TUSC3: variants seen among roughly 807,000 people sequenced by gnomAD.
TUSC3 encodes the protein dolichyl-diphosphooligosaccharide--protein glycosyltransferase subunit TUSC3.
TUSC3 carries 45 observed loss-of-function variants against 44.8 expected under a neutral mutation model. The observed-to-expected ratio is 1.00, with a 90% CI of 0.79 to 1.29. The LOEUF is 1.29. TUSC3 is among the 50% of genes most tolerant of loss of function. TUSC3 has a pLI of 0.00. For missense variants in TUSC3, 519 were observed against 437.9 expected, an observed-to-expected ratio of 1.19 and a Z score of -1.65; for synonymous variants, 212 against 152.9, an observed-to-expected ratio of 1.39 and a Z score of -2.85.
chr8:15,487,509 G>A (rs546162679), intron 2 of TUSC3, among the ~76,000 whole-genome samples: 8 of 152,124 alleles, frequency 5.3e-5, no homozygotes, highest in African/African-American at 7.2e-5. Context: ...TTATCCATTT[G>A]TATTATTATA....
chr8:15,459,901 T>TACAC (rs1563256852), intron 1 of TUSC3, among the ~76,000 whole-genome samples: 1 of 151,102 alleles, frequency 6.6e-6, no homozygotes, highest in African/African-American at 2.5e-5. Context: ...CATACATACA[T>TACAC]ACACACATAC....
the TUSC3 span, among the ~76,000 whole-genome samples, chr8:15,829,335 T>C: frequency 6.6e-6 from 1 of 152,232 alleles, no homozygotes; most frequent in East Asian, 1.9e-4. Context: ...TGTATACTTT[T>C]AGTTTTGAAA....
intron 2 of TUSC3, among the ~76,000 whole-genome samples, chr8:15,485,537 G>C (rs928199548): frequency 1.4e-5 from 2 of 142,530 alleles, no homozygotes; most frequent in African/African-American, 2.7e-5. Flanking sequence ...TGCATTCTCT[G>C]CTCCTCCTCA....
chr8:15,457,828 T>TC (rs541882577), intron 1 of TUSC3, among the ~76,000 whole-genome samples: 7,671 of 146,462 alleles, frequency 0.052, 263 homozygotes, highest in South Asian at 0.11. Flanking sequence ...TAATTAATTA[T>TC]TAATAAATTA....
intron 1 of TUSC3, among the ~76,000 whole-genome samples, chr8:15,543,140 T>C (rs1236756583): frequency 4.6e-5 from 7 of 152,228 alleles, no homozygotes; most frequent in Non-Finnish European, 2.9e-5. Context: ...ATGTGGTCTC[T>C]TTCTGTCTAG....
chr8:15,740,589 C>G (rs923416461), intron 7 of TUSC3, among the ~76,000 whole-genome samples: 1 of 151,594 alleles, frequency 6.6e-6, no homozygotes, highest in African/African-American at 2.4e-5. Flanking sequence ...AAAAGATGCT[C>G]AGAACCAAGT....
intron 1 of TUSC3, among the ~76,000 whole-genome samples, chr8:15,570,961 T>TTTG (rs962476050): frequency 8.6e-5 from 10 of 115,902 alleles, no homozygotes; most frequent in African/African-American, 2.5e-4. Flanking sequence ...TTAGTTTTTT[T>TTTG]TTTTTTTTTT....
At chr8:15,806,758 G>C in the TUSC3 span, 1 of 781,466 alleles carries the variant, frequency 1.3e-6, no homozygotes, top group Non-Finnish European at 2.2e-6. Context: ...GCATTACAGA[G>C]CCACCTGCAT....
intron 1 of TUSC3, among the ~76,000 whole-genome samples, chr8:15,481,912 T>G (rs1321534750): frequency 6.6e-6 from 1 of 152,156 alleles, no homozygotes; most frequent in African/African-American, 2.4e-5. Context: ...GCTCCATTGA[T>G]TGACTCTCAT....
chr8:15,434,849 T>C, intron 1 of TUSC3, among the ~76,000 whole-genome samples: 1 of 152,116 alleles, frequency 6.6e-6, no homozygotes. Context: ...TCCATGTCCC[T>C]ACAAAGGACA....
chr8:15,564,618 G>A (rs1802596889), intron 1 of TUSC3, among the ~76,000 whole-genome samples: 1 of 152,066 alleles, frequency 6.6e-6, no homozygotes, highest in African/African-American at 2.4e-5. Flanking sequence ...TTGATGGTGT[G>A]CCAGACCTGT....
chr8:15,846,330 C>G, the TUSC3 span, among the ~76,000 whole-genome samples: 51 of 152,200 alleles, frequency 3.4e-4, no homozygotes, highest in African/African-American at 1.2e-3. Context: ...ATGGTAAACA[C>G]CAGTAATGCG....
chr8:15,470,240 C>G (rs892554164), intron 1 of TUSC3, among the ~76,000 whole-genome samples: 7 of 133,408 alleles, frequency 5.2e-5, no homozygotes, highest in African/African-American at 2.0e-4. Context: ...GCCTGGGCAA[C>G]AGAGAAAGAC....
intron 8 of TUSC3, among the ~76,000 whole-genome samples, 162 bp downstream of exon 8, chr8:15,743,774 A>G (rs559680927): frequency 1.3e-5 from 2 of 152,306 alleles, no homozygotes; most frequent in South Asian, 2.1e-4. Context: ...GTGTTCATAT[A>G]CTTGAAAATA....
intron 5 of TUSC3, among the ~76,000 whole-genome samples, chr8:15,663,809 G>A (rs1384832773): frequency 6.6e-6 from 1 of 151,790 alleles, no homozygotes; most frequent in African/African-American, 2.4e-5. Flanking sequence ...TTCCATGCTA[G>A]TTTTCAAGTT....
intron 1 of TUSC3, among the ~76,000 whole-genome samples, chr8:15,452,700 C>A (rs1038382254): frequency 1.3e-5 from 2 of 152,112 alleles, no homozygotes; most frequent in Non-Finnish European, 2.9e-5. Context: ...TCTTCCTGTC[C>A]CCAGCTATCA....
intron 2 of TUSC3, among the ~76,000 whole-genome samples, chr8:15,504,582 T>G (rs865794620): frequency 5.0e-3 from 93 of 18,460 alleles, no homozygotes; most frequent in South Asian, 0.02. Flanking sequence ...TTTCAGGATA[T>G]ATATATATAT....
At chr8:15,431,762 T>G (rs941649367) in intron 1 of TUSC3, among the ~76,000 whole-genome samples, 8 of 137,828 alleles carry the variant, frequency 5.8e-5, no homozygotes, top group Non-Finnish European at 1.2e-4. Flanking sequence ...GGAAATGATT[T>G]CAGTTTTTTA....
intron 1 of TUSC3, among the ~76,000 whole-genome samples, chr8:15,466,267 A>G (rs1800413200): frequency 6.6e-6 from 1 of 152,198 alleles, no homozygotes; most frequent in Non-Finnish European, 1.5e-5. Context: ...AGAATTCTAC[A>G]TCAAGAGGAA....
Sources: allele counts gnomAD v4.1 joint callset (sites outside exome capture counted in the v4.1 genomes callset), GRCh38; gene constraint gnomAD v4.1.1; transcripts MANE v1.5; gene names NCBI Gene and HGNC (gene_info 2026-07-23, HGNC 2026-07-21).